Variants in RB1CC1 observed in about 807,000 individuals in gnomAD.
RB1CC1 encodes the protein RB1-inducible coiled-coil protein 1.
Under a neutral mutation model 177.5 loss-of-function variants are expected in RB1CC1, and 46 were observed. That is an observed-to-expected ratio of 0.26 (90% CI 0.20 to 0.33). The LOEUF (loss-of-function observed/expected upper bound fraction) is 0.33, where lower values mean the gene tolerates loss of function less well. Among genes scored for constraint, RB1CC1 ranks in the 10% least tolerant of loss-of-function variants. RB1CC1 has a pLI of 1.00. For missense variants in RB1CC1, 1,703 were observed against 1,816.3 expected, an observed-to-expected ratio of 0.94 and a Z score of 1.13; for synonymous variants, 666 against 613.6, an observed-to-expected ratio of 1.09 and a Z score of -1.26.
rs146380453 is a variant in RB1CC1 at position 52,667,893 on chromosome 8, T to C, written c.1173+128A>G. ...TTTCTGTTTTATTACAAGGAAACAATATTAATACATTAAAAATATTCAAGG... is the reference window on the plus strand; with the variant it reads ...TTTCTGTTTTATTACAAGGAAACAACATTAATACATTAAAAATATTCAAGG... On this transcript the variant is annotated intron_variant, in intron 8 of 23. Transcript: ENST00000025008. 5.5e-4 allele frequency: 493 copies of C among 901,944 alleles called. 1 individual carries two copies. The African/African-American group carries it at 7.3e-3, about 13-fold the overall frequency. The allele number at this position is 901,944 out of a possible 1,614,324, so 55.9% of individuals were successfully genotyped here. A position where few individuals can be genotyped will look rare whatever the true frequency, so the allele number is the denominator to read the frequency against.
chr8:52,683,377 A>T (rs1272949831), intron 5 of RB1CC1, among the ~76,000 whole-genome samples, 172 bp downstream of exon 5: 1 of 152,232 alleles, frequency 6.6e-6, no homozygotes, highest in African/African-American at 2.4e-5. Flanking sequence ...AAAGTAGAAT[A>T]ACTAGCAATG....
rs368446569 is a variant in RB1CC1 at position 52,628,028 on chromosome 8, T to C, written c.4636+4A>G. On this transcript the variant is annotated splice_donor_region_variant and intron_variant, in intron 22 of 23. Coordinates refer to ENST00000025008, the MANE Select transcript of RB1CC1 (RefSeq NM_014781.5). ...TTATATTTTAGTCATGGAATGACACTTACCACCCTCACCTGGTTTGAGATC... is the reference window on the plus strand; with the variant it reads ...TTATATTTTAGTCATGGAATGACACCTACCACCCTCACCTGGTTTGAGATC... 3 of 1,582,642 alleles carry C rather than the reference T, an allele frequency of 1.9e-6. No individual in the cohort carries two copies. The African/African-American group carries it at 4.1e-5, about 22-fold the overall frequency.
At chr8:52,668,927 T>C (rs1316435898) in intron 7 of RB1CC1, among the ~76,000 whole-genome samples, 1 of 152,242 alleles carries the variant, frequency 6.6e-6, no homozygotes, top group Non-Finnish European at 1.5e-5. Flanking sequence ...CATCCTTTTC[T>C]GGCTCCTTTT....
Position 52,656,899 on chromosome 8 carries a change from C to G in RB1CC1, c.2930G>C (p.Arg977Thr), listed in dbSNP as rs1187742999. The G allele has an allele frequency of 3.7e-6, 6 of 1,613,056 alleles. No homozygotes were observed. In the African/African-American group the frequency reaches 6.7e-5, roughly 18 times the overall value. The stretch of plus-strand genomic sequence containing the variant: ...TTGCTCCAAGGACTGAAGTTCTGCC[C>G]TCAATAACTGTAACTTCTCATCATT... ...VENDEKLQLL[R>T]AELQSLEQSH... The change falls in exon 15 of 24, where the codon AGG becomes ACG. Residue 977 changes from arginine (R) to threonine (T), a missense_variant. Physicochemically the swap from Arg to Thr is moderately conservative, Grantham distance 71. Transcript: ENST00000025008.
chr8:52,653,508 G>T (rs1322735469), intron 15 of RB1CC1, among the ~76,000 whole-genome samples: 1 of 152,104 alleles, frequency 6.6e-6, no homozygotes, highest in Non-Finnish European at 1.5e-5. Context: ...GAAAACTCTA[G>T]ATCTAGTATT....
chr8:52,667,127 CA>C (rs757819527), intron 8 of RB1CC1, among the ~76,000 whole-genome samples: 19 of 152,078 alleles, frequency 1.2e-4, no homozygotes, highest in Non-Finnish European at 2.6e-4. Context: ...AAAATGCTAA[CA>C]ACCCAGAATT....
intron 1 of RB1CC1, among the ~76,000 whole-genome samples, chr8:52,713,404 T>C (rs981191304): frequency 6.6e-6 from 1 of 152,230 alleles, no homozygotes; most frequent in Non-Finnish European, 1.5e-5. Flanking sequence ...TTTCTACTGT[T>C]GGTTAATGTA....
At position 52,656,696 on chromosome 8, in the gene RB1CC1, C is replaced by T. The variant is rs144181618; in HGVS notation, c.3133G>A (p.Glu1045Lys). ...AAATCAGAAACCTTGAGTTTTAATTCCTGTAACTGTTTTTCTTTTTCCTGG... is the reference window on the plus strand; with the variant it reads ...AAATCAGAAACCTTGAGTTTTAATTTCTGTAACTGTTTTTCTTTTTCCTGG... ...IIQEKEKQLQELKLKVSDLSD... is the reference protein window; with the variant it reads ...IIQEKEKQLQKLKLKVSDLSD... The change falls in exon 15 of 24, where the codon GAA becomes AAA. Residue 1045 changes from glutamate to lysine, a missense_variant. Transcript: ENST00000025008. 3.9e-4 allele frequency: 635 copies of T among 1,613,578 alleles called. No individual in the cohort carries two copies. The highest frequency in any genetic ancestry group is 5.0e-4 in the Non-Finnish European group (594 of 1,179,880).
At chr8:52,650,938 T>G (rs1229924323) in intron 15 of RB1CC1, among the ~76,000 whole-genome samples, 2 of 152,170 alleles carry the variant, frequency 1.3e-5, no homozygotes, top group Non-Finnish European at 2.9e-5. Flanking sequence ...CTCTTCTCAA[T>G]GAGATGATCC....
intron 1 of RB1CC1, among the ~76,000 whole-genome samples, chr8:52,688,056 C>CTTTTAT (rs1854439451): frequency 6.6e-6 from 1 of 152,188 alleles, no homozygotes; most frequent in Non-Finnish European, 1.5e-5. Flanking sequence ...ATCTCTTAAT[C>CTTTTAT]CTGTTATCTT....
chr8:52,661,819 T>C, intron 8 of RB1CC1, 100 bp from the exon 9 acceptor site: 2 of 839,918 alleles, frequency 2.4e-6, no homozygotes, highest in Non-Finnish European at 3.4e-6. Flanking sequence ...ACAACCCGTT[T>C]TGTGCCTTCT....
rs184933008 is a variant in RB1CC1 at position 52,658,549 on chromosome 8, C to T, written c.1793+324G>A. On this transcript the variant is annotated intron_variant, in intron 13 of 23. Transcript: ENST00000025008. ...CCAGTATCACACCATTGCACTCCAGCCTGGGCGAGAGAGCGAGACTCCGTC... is the reference window on the plus strand; with the variant it reads ...CCAGTATCACACCATTGCACTCCAGTCTGGGCGAGAGAGCGAGACTCCGTC... 7.9e-4 allele frequency among the ~76,000 whole-genome samples: 113 copies of T among 143,922 alleles called. 2 individuals carry two copies. In the East Asian group the frequency reaches 0.019, roughly 24 times the overall value. The allele number at this position is 143,922 out of a possible 152,430, so 94.4% of individuals were successfully genotyped here.
chr8:52,660,564 A>G (rs375709724), intron 12 of RB1CC1, 32 bp downstream of exon 12: 9 of 1,536,282 alleles, frequency 5.9e-6, no homozygotes, highest in South Asian at 1.2e-5. Context: ...AAACATATGG[A>G]ATTTAGTCAT....
At chr8:52,676,632 T>G (rs1240491181) in intron 5 of RB1CC1, 61 bp from the exon 6 acceptor site, 64 of 1,455,580 alleles carry the variant, frequency 4.4e-5, no homozygotes, top group Admixed American at 1.4e-4. Flanking sequence ...TGCAGAAGTT[T>G]GCATATGTTT....
At chr8:52,628,230 CTT>C (rs1848531237) in intron 21 of RB1CC1, 62 bp from the exon 22 acceptor site, 2 of 1,480,366 alleles carry the variant, frequency 1.4e-6, no homozygotes, top group African/African-American at 2.8e-5. Context: ...ATTCTGAAAA[CTT>C]AGCATATATA....
At chr8:52,630,130 A>C (rs932477539) in intron 21 of RB1CC1, among the ~76,000 whole-genome samples, 3 of 152,224 alleles carry the variant, frequency 2.0e-5, no homozygotes, top group Non-Finnish European at 1.5e-5. Flanking sequence ...ACTGCAACTT[A>C]AAAACAAATC....
intron 7 of RB1CC1, among the ~76,000 whole-genome samples, chr8:52,672,117 T>C (rs890301483): frequency 3.2e-4 from 48 of 152,230 alleles, no homozygotes; most frequent in African/African-American, 1.1e-3. Context: ...ACCTTCTATT[T>C]TCTGAAGGTA....
intron 1 of RB1CC1, among the ~76,000 whole-genome samples, chr8:52,694,068 G>A (rs900002426): frequency 2.6e-5 from 4 of 152,104 alleles, no homozygotes; most frequent in African/African-American, 7.2e-5. Context: ...AACATATAGA[G>A]GAGAACCTAC....
intron 16 of RB1CC1, 98 bp from the exon 17 acceptor site, chr8:52,642,910 G>A: frequency 7.9e-7 from 1 of 1,258,736 alleles, no homozygotes; most frequent in Non-Finnish European, 1.0e-6. Flanking sequence ...TGGCACATTT[G>A]TACATGGAGA....
Sources: allele counts gnomAD v4.1 joint callset (sites outside exome capture counted in the v4.1 genomes callset), GRCh38; gene constraint gnomAD v4.1.1; transcripts MANE v1.5; gene names NCBI Gene and HGNC (gene_info 2026-07-23, HGNC 2026-07-21).